The following SSH2 variants were observed in gnomAD, a reference collection of about 807,000 sequenced individuals.
The protein encoded by SSH2 is protein phosphatase Slingshot homolog 2.
A neutral mutation model predicts 135.2 loss-of-function variants in SSH2; 37 were observed. That is an observed-to-expected ratio of 0.27 (90% confidence interval 0.21 to 0.36). The LOEUF is 0.36. Among genes scored for constraint, SSH2 ranks in the 10% least tolerant of loss-of-function variants. SSH2 has a pLI of 1.00. For synonymous variants in SSH2, 628 were observed against 646.2 expected, an observed-to-expected ratio of 0.97 and a Z score of 0.43; for missense variants, 1,408 against 1,765.3, an observed-to-expected ratio of 0.80 and a Z score of 3.63.
rs557327132 is a variant in SSH2, at chr17:29,626,827, A to G, written c.*4014T>C. The G allele has an allele frequency of 1.2e-3, 185 of 152,736 alleles. No individual in the cohort carries two copies. Among genetic ancestry groups the G allele is most frequent in the South Asian group, 3.7e-3 (18 of 4,826 alleles). 9.5% of individuals were successfully genotyped at this position (152,736 alleles called of 1,614,324 possible). ...TACATGCCTTGATCTTTTAGTTTGG[A>G]AGGGAAAACAAAGTCCAAGATGCTT... On this transcript the variant is annotated 3_prime_UTR_variant, in exon 16 of 16. Transcript: ENST00000540801.
chr17:29,785,060 GGTGA>G (rs1375755709), intron 3 of SSH2, among the ~76,000 whole-genome samples: 4 of 151,976 alleles, frequency 2.6e-5, no homozygotes, highest in Non-Finnish European at 2.9e-5. Context: ...TTCAGCAGAT[GGTGA>G]GTAATTTTTT....
At chr17:29,756,934 C>A (rs917093614) in intron 3 of SSH2, among the ~76,000 whole-genome samples, 1 of 152,038 alleles carries the variant, frequency 6.6e-6, no homozygotes, top group African/African-American at 2.4e-5. Context: ...GGATTACAGG[C>A]GTGAGCCACC....
intron 2 of SSH2, among the ~76,000 whole-genome samples, chr17:29,834,768 GC>G (rs757735223): frequency 6.6e-6 from 1 of 151,968 alleles, no homozygotes; most frequent in Non-Finnish European, 1.5e-5. Context: ...AGGTAGAGAG[GC>G]AACTTAATTT....
chr17:29,862,000 C>T (rs186544764), intron 1 of SSH2, among the ~76,000 whole-genome samples: 9 of 152,236 alleles, frequency 5.9e-5, no homozygotes, highest in African/African-American at 1.9e-4. Context: ...TAAAGAGGAT[C>T]GCAAAAACTT....
At chr17:29,807,331 T>G (rs1315436170) in intron 2 of SSH2, among the ~76,000 whole-genome samples, 1 of 152,210 alleles carries the variant, frequency 6.6e-6, no homozygotes, top group Non-Finnish European at 1.5e-5. Context: ...GGGAAATGAA[T>G]TGTTACTACG....
intron 2 of SSH2, among the ~76,000 whole-genome samples, chr17:29,828,232 C>T (rs1050981911): frequency 6.6e-6 from 1 of 152,204 alleles, no homozygotes; most frequent in African/African-American, 2.4e-5. Context: ...ACACAAGAAA[C>T]TTTTAATTTT....
intron 9 of SSH2, 78 bp downstream of exon 9, chr17:29,671,857 T>C (rs1007127427): frequency 2.4e-6 from 3 of 1,240,340 alleles, no homozygotes; most frequent in African/African-American, 3.0e-5. Context: ...AGAGAAAAGA[T>C]TAGGGAGGAA....
At chr17:29,749,043 A>G (rs1275259651) in intron 3 of SSH2, among the ~76,000 whole-genome samples, 2 of 152,242 alleles carry the variant, frequency 1.3e-5, no homozygotes, top group Non-Finnish European at 2.9e-5. Context: ...CGTAGATATA[A>G]AAAAGCAGTC....
At chr17:29,721,588 G>A (rs1323057951) in intron 3 of SSH2, among the ~76,000 whole-genome samples, 1 of 152,176 alleles carries the variant, frequency 6.6e-6, no homozygotes, top group Non-Finnish European at 1.5e-5. Flanking sequence ...TAAGTCATCA[G>A]GGGACCCTAG....
rs562776889 is a variant in SSH2, at chr17:29,881,934, A to AAAAC, written c.64-33009_64-33006dup. The stretch of plus-strand genomic sequence containing the variant: ...CAAACTTTTACAGGCTTCAAGGAGA[A>AAAAC]AAACAAACAAACAAACAAACATCTC... On this transcript the variant is annotated intron_variant, in intron 1 of 15. Transcript: ENST00000540801. Among the ~76,000 whole-genome samples, 55 of 152,332 alleles carry AAAAC rather than the reference A, an allele frequency of 3.6e-4. No individual in the cohort carries two copies. In the South Asian group the frequency reaches 5.6e-3, roughly 15 times the overall value.
intron 3 of SSH2, among the ~76,000 whole-genome samples, chr17:29,762,971 T>C (rs974223148): frequency 1.3e-5 from 2 of 152,224 alleles, no homozygotes; most frequent in Admixed American, 6.5e-5. Context: ...TAGGAAGAAG[T>C]GACTTTAAGA....
chr17:29,684,490 A>G, intron 6 of SSH2, 73 bp downstream of exon 6: 4 of 1,392,268 alleles, frequency 2.9e-6, no homozygotes, highest in African/African-American at 2.9e-5. Context: ...CATTAAAAAA[A>G]AAAAAAAAAA....
At chr17:29,685,737 TGAG>T (rs145908674) in intron 5 of SSH2, among the ~76,000 whole-genome samples, 7,023 of 149,074 alleles carry the variant, frequency 0.047, 498 homozygotes, top group African/African-American at 0.16. Context: ...TGCAGTGAGC[TGAG>T]ATCACCCCAC....
Position 29,913,340 on chromosome 17 carries a change from A to ATT in SSH2, c.63+16597_63+16598insAA, listed in dbSNP as rs2066802918. Among the ~76,000 whole-genome samples the ATT allele has an allele frequency of 1.1e-4, 6 of 55,260 alleles. 1 individual carries two copies. The highest frequency in any genetic ancestry group is 6.8e-4 in the East Asian group (1 of 1,472). 36.3% of individuals were successfully genotyped at this position (55,260 alleles called of 152,430 possible). ...CTCAAAAAAAAAAAAAAAAAAAAAAAAAAAAAAATATATATATATATATAT... is the reference window on the plus strand; with the variant it reads ...CTCAAAAAAAAAAAAAAAAAAAAAAATTAAAAAAAATATATATATATATATAT... On this transcript the variant is annotated intron_variant, in intron 1 of 15. Coordinates refer to ENST00000540801, the MANE Select transcript of SSH2 (RefSeq NM_001282129.2).
At chr17:29,749,055 G>A (rs992491551) in intron 3 of SSH2, among the ~76,000 whole-genome samples, 1 of 152,174 alleles carries the variant, frequency 6.6e-6, no homozygotes, top group Non-Finnish European at 1.5e-5. Context: ...AAAGCAGTCA[G>A]TAAAATTCAA....
At chr17:29,894,558 A>G (rs998242592) in intron 1 of SSH2, among the ~76,000 whole-genome samples, 1 of 151,986 alleles carries the variant, frequency 6.6e-6, no homozygotes, top group Admixed American at 6.6e-5. Flanking sequence ...CTATTTTTTA[A>G]TTTGTATTAT....
chr17:29,903,259 A>C (rs1264756164), intron 1 of SSH2, among the ~76,000 whole-genome samples: 1 of 148,040 alleles, frequency 6.8e-6, no homozygotes, highest in East Asian at 1.9e-4. Flanking sequence ...TTATATATTT[A>C]AAATATAATT....
chr17:29,812,667 G>C (rs996501940), intron 2 of SSH2, among the ~76,000 whole-genome samples: 1 of 152,252 alleles, frequency 6.6e-6, no homozygotes, highest in Non-Finnish European at 1.5e-5. Flanking sequence ...GAAGCGGGTG[G>C]ATCACGAGGT....
At position 29,757,885 on chromosome 17, in the gene SSH2, CA is replaced by C. The variant is rs1038938462; in HGVS notation, c.188+36008del. ...TGGGTGAAAGAGTGAGACTTGGTCT[CA>C]AAAAAAAAAAATTAGCCAGGTGTGG... On this transcript the variant is annotated intron_variant, in intron 3 of 15. Transcript: ENST00000540801. Among the ~76,000 whole-genome samples the C allele has an allele frequency of 1.0e-3, 141 of 141,162 alleles. 1 individual carries two copies. The highest frequency in any genetic ancestry group is 1.8e-3 in the South Asian group (8 of 4,486). The allele number at this position is 141,162 out of a possible 152,430, so 92.6% of individuals were successfully genotyped here. A position where few individuals can be genotyped will look rare whatever the true frequency, so the allele number is the denominator to read the frequency against.
Sources: allele counts gnomAD v4.1 joint callset (sites outside exome capture counted in the v4.1 genomes callset), GRCh38; gene constraint gnomAD v4.1.1; transcripts MANE v1.5; gene names NCBI Gene and HGNC (gene_info 2026-07-23, HGNC 2026-07-21).